Variants in AMZ2 observed in about 807,000 individuals in gnomAD.
AMZ2 encodes the protein archaemetzincin-2.
A neutral mutation model predicts 36.7 loss-of-function variants in AMZ2; 26 were observed. That is an observed-to-expected ratio of 0.71 (90% CI 0.52 to 0.98). The LOEUF (loss-of-function observed/expected upper bound fraction) is 0.98, where lower values mean the gene tolerates loss of function less well. Ranked by LOEUF, AMZ2 falls within the 50% of genes least tolerant of loss-of-function variation. The probability of loss-of-function intolerance (pLI) is 0.00; values close to 1 mark genes in which losing one functional copy is unlikely to be tolerated. For missense variants in AMZ2, 394 were observed against 430.5 expected (o/e 0.92, Z 0.75); for synonymous variants, 144 against 149.1 (o/e 0.97, Z 0.25).
intron 1 of AMZ2, among the ~76,000 whole-genome samples, chr17:68,218,786 G>A (rs781877103): frequency 5.9e-5 from 9 of 152,112 alleles, no homozygotes; most frequent in East Asian, 3.8e-4. Context: ...TAGTAAATGG[G>A]ATTACTGTCC....
intron 5 of AMZ2, among the ~76,000 whole-genome samples, chr17:68,255,289 TAGA>T (rs2074808895): frequency 6.6e-6 from 1 of 151,992 alleles, no homozygotes; most frequent in Admixed American, 6.6e-5. Context: ...TACCCTAGTG[TAGA>T]TCAAGGGTTC....
At chr17:68,241,239 A>AT (rs1555733914) in intron 1 of AMZ2, among the ~76,000 whole-genome samples, 1 of 152,224 alleles carries the variant, frequency 6.6e-6, no homozygotes, top group East Asian at 1.9e-4. Flanking sequence ...ATATTATATA[A>AT]TTTTTTAAGA....
chr17:68,242,702 C>T (rs538789137), intron 1 of AMZ2, among the ~76,000 whole-genome samples: 33 of 152,144 alleles, frequency 2.2e-4, no homozygotes, highest in African/African-American at 6.5e-4. Context: ...CATGAGCCAC[C>T]GTGCCCAACC....
At chr17:68,225,989 G>A (rs1262211961) in intron 1 of AMZ2, among the ~76,000 whole-genome samples, 2 of 151,958 alleles carry the variant, frequency 1.3e-5, no homozygotes, top group South Asian at 2.1e-4. Flanking sequence ...AGATTGCCTC[G>A]CCCCAACCCC....
intron 1 of AMZ2, among the ~76,000 whole-genome samples, chr17:68,222,626 G>A (rs1555728841): frequency 6.6e-6 from 1 of 152,190 alleles, no homozygotes; most frequent in Non-Finnish European, 1.5e-5. Flanking sequence ...TCCCATCTGG[G>A]CTTGATGGGA....
upstream of AMZ2, chr17:68,247,823 G>A (rs556416400): frequency 2.4e-5 from 24 of 985,466 alleles, no homozygotes; most frequent in Non-Finnish European, 2.9e-5. Context: ...GGCGACTGCG[G>A]GGGTGGACAG....
chr17:68,247,920 G>C (rs1214628915), upstream of AMZ2: 3 of 985,480 alleles, frequency 3.0e-6, no homozygotes. Context: ...TGCCCAGGCG[G>C]CCGCACGCTC....
At chr17:68,207,465 A>T (rs2072875285) in intron 1 of AMZ2, 1 of 152,138 alleles carries the variant, frequency 6.6e-6, no homozygotes, top group African/African-American at 2.4e-5. Flanking sequence ...TTTTAAAAGC[A>T]TTAAAAAAAT....
At chr17:68,211,367 G>A (rs1338246428) in intron 1 of AMZ2, among the ~76,000 whole-genome samples, 2 of 152,014 alleles carry the variant, frequency 1.3e-5, no homozygotes, top group Non-Finnish European at 2.9e-5. Flanking sequence ...GCTGGGCGTG[G>A]TGGCGGGCAT....
rs1214323093 is a variant in AMZ2 at position 68,250,391 on chromosome 17, A to G, written c.204A>G (p.Gln68=). The G allele has an allele frequency of 6.2e-7, 1 of 1,614,212 alleles. No homozygotes were observed. Among genetic ancestry groups the G allele is most frequent in the Non-Finnish European group, 8.5e-7 (1 of 1,180,050 alleles). The stretch of plus-strand genomic sequence containing the variant: ...TCACCTCCCACCCTGAGGCTCCCCA[A>G]GACTTTGAACAGTTCTTCAGTGATC... The part of the protein sequence containing the change: ...DWITSHPEAP[Q]DFEQFFSDPY... Residue 68 remains glutamine (Q), a synonymous_variant, in exon 2 of 7, where the codon CAA becomes CAG. Coordinates refer to ENST00000359904, the MANE Select transcript of AMZ2 (RefSeq NM_016627.5).
rs2073251267 is a variant in AMZ2, at chr17:68,218,160, G to A, written c.-67+11922G>A. Reference sequence around the variant, plus strand: ...ATTTATGGTCCACCTGAGGAACCAAGACATATTCAGCATATAACTTAGAGG... The same window carrying A: ...ATTTATGGTCCACCTGAGGAACCAAAACATATTCAGCATATAACTTAGAGG... On this transcript the variant is annotated intron_variant, in intron 1 of 7. Coordinates refer to the AMZ2 transcript ENST00000674770. 2.0e-5 allele frequency among the ~76,000 whole-genome samples: 3 copies of A among 152,146 alleles called. No individual in the cohort carries two copies. In the South Asian group the frequency reaches 6.2e-4, roughly 31 times the overall value.
At chr17:68,206,668 T>C (rs2072844031) in intron 1 of AMZ2, 1 of 152,272 alleles carries the variant, frequency 6.6e-6, no homozygotes, top group African/African-American at 2.4e-5. Context: ...TAATGTGGTT[T>C]CTTTCAGATT....
intron 1 of AMZ2, among the ~76,000 whole-genome samples, chr17:68,227,605 C>T (rs1447903825): frequency 7.2e-5 from 11 of 152,138 alleles, no homozygotes; most frequent in Non-Finnish European, 1.0e-4. Flanking sequence ...GTGGCTGCAT[C>T]GCTCCAGTCT....
At chr17:68,208,487 A>T (rs782006362) in intron 1 of AMZ2, among the ~76,000 whole-genome samples, 1 of 152,150 alleles carries the variant, frequency 6.6e-6, no homozygotes, top group Non-Finnish European at 1.5e-5. Context: ...CAGGGATTGT[A>T]AAGGCACCAG....
chr17:68,254,579 C>T lies in AMZ2; in HGVS notation c.750+12C>T. 6.3e-7 allele frequency: 1 copy of T among 1,599,688 alleles called. No individual in the cohort carries two copies. The highest frequency in any genetic ancestry group is 1.1e-5 in the South Asian group (1 of 89,664). ...TTCGATCCTGTAAGGTAAGTTATTACAAAAATCTGACAGGACAGTTCTTTA... is the reference window on the plus strand; with the variant it reads ...TTCGATCCTGTAAGGTAAGTTATTATAAAAATCTGACAGGACAGTTCTTTA... On this transcript the variant is annotated intron_variant, in intron 5 of 6. Transcript: ENST00000359904.
intron 1 of AMZ2, among the ~76,000 whole-genome samples, chr17:68,232,231 T>C (rs1474778373): frequency 2.6e-5 from 4 of 151,548 alleles, no homozygotes; most frequent in Non-Finnish European, 5.9e-5. Flanking sequence ...ACGTGATGTC[T>C]CACGTCTATA....
At chr17:68,244,210 GTACTGTGGC>G (rs2073957817), upstream of AMZ2, among the ~76,000 whole-genome samples, 1 of 152,184 alleles carries the variant, frequency 6.6e-6, no homozygotes, top group African/African-American at 2.4e-5. Flanking sequence ...TGTTTTAGTT[GTACTGTGGC>G]TACTTATGAA....
At chr17:68,251,853 A>G (rs1367524561) in intron 4 of AMZ2, among the ~76,000 whole-genome samples, 1 of 152,218 alleles carries the variant, frequency 6.6e-6, no homozygotes, top group Non-Finnish European at 1.5e-5. Flanking sequence ...GAATAGCCAT[A>G]GACTAAGTGT....
intron 1 of AMZ2, among the ~76,000 whole-genome samples, chr17:68,212,711 G>C (rs1555726363): frequency 1.3e-5 from 2 of 151,776 alleles, no homozygotes; most frequent in African/African-American, 2.4e-5. Flanking sequence ...GGATTATACA[G>C]GTGCACACCA....
Sources: allele counts gnomAD v4.1 joint callset (sites outside exome capture counted in the v4.1 genomes callset), GRCh38; gene constraint gnomAD v4.1.1; transcripts MANE v1.5; gene names NCBI Gene and HGNC (gene_info 2026-07-23, HGNC 2026-07-21).